NODAL: variants seen among roughly 807,000 people sequenced by gnomAD.
NODAL encodes the protein nodal homolog.
In NODAL, 12 loss-of-function variants were observed where a neutral mutation model predicts 34.0. That is an observed-to-expected ratio of 0.35 (90% CI 0.23 to 0.57). The LOEUF (loss-of-function observed/expected upper bound fraction) is 0.57. NODAL is among the 20% of genes least tolerant of loss of function. NODAL has a pLI of 0.83. For synonymous variants in NODAL, 162 were observed against 186.4 expected (o/e 0.87, Z 1.07); for missense variants, 390 against 444.2 (o/e 0.88, Z 1.10).
upstream of NODAL, among the ~76,000 whole-genome samples, chr10:70,446,100 T>C (rs1845484788): frequency 6.6e-6 from 1 of 152,176 alleles, no homozygotes. Flanking sequence ...AGGATCTCTT[T>C]CATATAAGAA....
At chr10:70,444,720 T>C (rs1158917692), upstream of NODAL, among the ~76,000 whole-genome samples, 2 of 152,204 alleles carry the variant, frequency 1.3e-5, no homozygotes, top group African/African-American at 4.8e-5. Flanking sequence ...TTTCCTCATC[T>C]GCAAAACTTG....
upstream of NODAL, among the ~76,000 whole-genome samples, chr10:70,443,645 G>A (rs1356112112): frequency 6.6e-6 from 1 of 152,098 alleles, no homozygotes; most frequent in Middle Eastern, 3.2e-3. Context: ...TTTGAGACCA[G>A]CTTGACCAAC....
chr10:70,447,389 T>C (rs1564670778), intron 1 of NODAL, among the ~76,000 whole-genome samples: 1 of 152,006 alleles, frequency 6.6e-6, no homozygotes, highest in Non-Finnish European at 1.5e-5. Flanking sequence ...AGCCCTCTTC[T>C]AAGTAAAGCA....
rs1401650924 is a variant in NODAL at position 70,441,668 on chromosome 10, G to GGT, written c.-3_-2dup. Reference sequence around the variant, plus strand: ...GGAAGGGCAGGCAGTGGGCGTGCATGGTGGGCTGGCCAGGCCTGAAAGCAG... The same window carrying GGT: ...GGAAGGGCAGGCAGTGGGCGTGCATGGTGTGGGCTGGCCAGGCCTGAAAGCAG... On this transcript the variant is annotated 5_prime_UTR_variant, in exon 1 of 3. Coordinates refer to ENST00000287139, the MANE Select transcript of NODAL (RefSeq NM_018055.5). The GGT allele has an allele frequency of 6.5e-7, 1 of 1,549,008 alleles. No individual in the cohort carries two copies. Among genetic ancestry groups the GGT allele is most frequent in the Admixed American group, 2.0e-5 (1 of 50,996 alleles).
At chr10:70,440,757 G>A (rs1315989443) in intron 1 of NODAL, among the ~76,000 whole-genome samples, 1 of 152,172 alleles carries the variant, frequency 6.6e-6, no homozygotes, top group Non-Finnish European at 1.5e-5. Context: ...CCCCGAACCC[G>A]GGGTTAAGCG....
chr10:70,436,232 AACCTGGATTTGCCC>A, intron 1 of NODAL: 1 of 541,464 alleles, frequency 1.8e-6, no homozygotes, highest in East Asian at 3.3e-5. Context: ...GCCAAGAGTA[AACCTGGATTTGCCC>A]AACTGCCAAG....
intron 1 of NODAL, chr10:70,436,512 AG>A: frequency 1.8e-5 from 3 of 167,308 alleles, no homozygotes; most frequent in Non-Finnish European, 3.6e-5. Flanking sequence ...GAGCCAAGAC[AG>A]TGCCATTGCA....
chr10:70,441,229 C>T (rs1035266295), intron 1 of NODAL, among the ~76,000 whole-genome samples: 2 of 152,266 alleles, frequency 1.3e-5, no homozygotes, highest in Admixed American at 6.5e-5. Flanking sequence ...CGAGGACACA[C>T]CCTGAACGCT....
intron 1 of NODAL, chr10:70,436,460 C>G (rs1202727321): frequency 8.8e-6 from 2 of 227,002 alleles, no homozygotes; most frequent in Non-Finnish European, 1.8e-5. Context: ...GTAATCCCAG[C>G]CACTCGAGAA....
At chr10:70,441,393 A>T in intron 1 of NODAL, 82 bp downstream of exon 1, 6 of 1,470,042 alleles carry the variant, frequency 4.1e-6, no homozygotes, top group Non-Finnish European at 4.6e-6. Context: ...CCCAACCCAC[A>T]GCACTTCCCG....
At chr10:70,445,610 T>C (rs1265977471), upstream of NODAL, among the ~76,000 whole-genome samples, 4 of 152,226 alleles carry the variant, frequency 2.6e-5, no homozygotes, top group Admixed American at 6.5e-5. Flanking sequence ...CTAACATTTA[T>C]TGAGCACCTA....
At position 70,432,078 on chromosome 10, in the gene NODAL, A is replaced by G. The variant is rs559714455; in HGVS notation, c.*858T>C. On this transcript the variant is annotated 3_prime_UTR_variant, in exon 3 of 3. Transcript: ENST00000287139. ...AGCTTCCAGTGGCTGAGCTGTGACC[A>G]TAGAGCAAGTATCTTGCCACCCAGG... Among the ~76,000 whole-genome samples, 3 of 152,396 alleles carry G rather than the reference A, an allele frequency of 2.0e-5. No individual in the cohort carries two copies. The highest frequency in any genetic ancestry group is 2.9e-5 in the Non-Finnish European group (2 of 68,040).
upstream of NODAL, among the ~76,000 whole-genome samples, chr10:70,442,971 C>T (rs1485573689): frequency 6.6e-6 from 1 of 152,104 alleles, no homozygotes; most frequent in Non-Finnish European, 1.5e-5. Flanking sequence ...CCTGTAGTCC[C>T]AGCTCCTCTG....
upstream of NODAL, chr10:70,441,797 G>T: frequency 2.0e-6 from 2 of 981,836 alleles, no homozygotes; most frequent in Middle Eastern, 3.1e-4. Flanking sequence ...GGAGGGTGGG[G>T]GGCAGAGAGA....
rs1183423233 is a variant in NODAL, at chr10:70,433,022, G to C, written c.958C>G (p.Pro320Ala). 1 of 1,613,926 alleles carries C rather than the reference G, an allele frequency of 6.2e-7. No individual in the cohort carries two copies. Among genetic ancestry groups the C allele is most frequent in the Non-Finnish European group, 8.5e-7 (1 of 1,180,026 alleles). Reference sequence around the variant, plus strand: ...TTATCCACATACAGCATGCTCAGCGGCTTGGTCTTCACTGGGGCACAACAA... The same window carrying C: ...TTATCCACATACAGCATGCTCAGCGCCTTGGTCTTCACTGGGGCACAACAA... ...STCCAPVKTK[P>A]LSMLYVDNGR... The change falls in exon 3 of 3, where the codon CCG becomes GCG. Residue 320 changes from proline to alanine, a missense_variant. By Grantham distance (27) the Pro-to-Ala change is conservative (BLOSUM62 -1). Transcript: ENST00000287139.
chr10:70,439,938 GGC>G (rs1434011617), intron 1 of NODAL, among the ~76,000 whole-genome samples: 3 of 152,242 alleles, frequency 2.0e-5, no homozygotes, highest in Non-Finnish European at 2.9e-5. Context: ...TGGGCGCAGT[GGC>G]GCGCGCCTGT....
In NODAL at chr10:70,435,667, C is replaced by T. The variant is rs1162331092; in HGVS notation, c.510G>A (p.Glu170=). 3 of 1,614,130 alleles carry T rather than the reference C, an allele frequency of 1.9e-6. No homozygotes were observed. The highest frequency in any genetic ancestry group is 1.7e-6 in the Non-Finnish European group (2 of 1,179,996). The change falls in exon 2 of 3, where the codon GAG becomes GAA. Residue 170 remains glutamate (E), a synonymous_variant. Transcript: ENST00000287139. ...CTCCAGCTACCCTGGACATCTGCTT[C>T]TCCAGGGCCCCAGGGTGCTTCAGCC... ...SKWLKHPGAL[E]KQMSRVAGEC...
chr10:70,440,557 A>G (rs1306939321), intron 1 of NODAL, among the ~76,000 whole-genome samples: 2 of 152,066 alleles, frequency 1.3e-5, no homozygotes, highest in African/African-American at 4.8e-5. Context: ...TGGCCCCCGC[A>G]GGCGGAGGGA....
intron 1 of NODAL, 54 bp from the exon 2 acceptor site, chr10:70,436,037 C>T: frequency 6.7e-7 from 1 of 1,483,308 alleles, no homozygotes; most frequent in Non-Finnish European, 9.4e-7. Flanking sequence ...CTCCCCCAGC[C>T]TCAGTCAGTG....
Sources: gnomAD v4.1 joint callset for allele counts (sites outside exome capture counted in the v4.1 genomes callset) on GRCh38, gnomAD v4.1.1 for gene constraint, MANE v1.5 for transcripts, NCBI Gene and HGNC (gene_info 2026-07-23, HGNC 2026-07-21) for gene names.